Variants in ME2 observed in about 807,000 individuals in gnomAD.
ME2 encodes the protein NAD-dependent malic enzyme, mitochondrial.
A neutral mutation model predicts 73.7 loss-of-function variants in ME2; 60 were observed. The observed-to-expected ratio is 0.81, with a 90% CI of 0.66 to 1.01. The LOEUF is 1.01. Among genes scored for constraint, ME2 ranks in the 50% least tolerant of loss-of-function variants. The probability of loss-of-function intolerance (pLI) is 0.00; values close to 1 mark genes in which losing one functional copy is unlikely to be tolerated. For missense variants in ME2, 594 were observed against 705.5 expected, an observed-to-expected ratio of 0.84 and a Z score of 1.79; for synonymous variants, 199 against 236.9, an observed-to-expected ratio of 0.84 and a Z score of 1.47.
intron 2 of ME2, among the ~76,000 whole-genome samples, chr18:50,905,585 C>T (rs1421669866): frequency 6.6e-6 from 1 of 152,210 alleles, no homozygotes; most frequent in Non-Finnish European, 1.5e-5. Context: ...TTTAGAGACA[C>T]ATGAGACATC....
rs1429493052 is a variant in ME2 at position 50,952,425 on chromosome 18, A to T, written c.*5241A>T. 1 of 152,232 alleles carries T rather than the reference A, an allele frequency of 6.6e-6. No individual in the cohort carries two copies. Among genetic ancestry groups the T allele is most frequent in the Non-Finnish European group, 1.5e-5 (1 of 68,022 alleles). 9.4% of individuals were successfully genotyped at this position (152,232 alleles called of 1,614,324 possible). On this transcript the variant is annotated 3_prime_UTR_variant, in exon 16 of 16. Coordinates refer to ENST00000321341, the MANE Select transcript of ME2 (RefSeq NM_002396.5). ...TATTTTCCTTTCTTGAATAAGGAAA[A>T]TTGTGCATCTCAAAGAGAAAAGTAA... is the stretch of plus-strand genomic sequence containing the variant.
chr18:50,931,749 A>G (rs1336944869), intron 12 of ME2, among the ~76,000 whole-genome samples: 1 of 150,044 alleles, frequency 6.7e-6, no homozygotes, highest in Admixed American at 6.7e-5. Context: ...CTATCGGCTC[A>G]CTGCAACCTC....
Position 50,928,372 on chromosome 18 carries a change from A to G in ME2, c.1314+2474A>G, listed in dbSNP as rs534901050. On this transcript the variant is annotated intron_variant, in intron 12 of 15. Transcript: ENST00000321341. ...ATCATTCTCCTGCCTCAGCCTCCCG[A>G]GTAGCTGGGTGCCCGCCACCATGCC... is the stretch of plus-strand genomic sequence containing the variant. 5.4e-4 allele frequency among the ~76,000 whole-genome samples: 82 copies of G among 151,340 alleles called. 1 individual carries two copies. In the South Asian group the frequency reaches 0.011, roughly 21 times the overall value.
intron 12 of ME2, among the ~76,000 whole-genome samples, chr18:50,928,296 A>G (rs1917612203): frequency 6.8e-6 from 1 of 148,060 alleles, no homozygotes; most frequent in Non-Finnish European, 1.5e-5. Context: ...CCCAGGCTAG[A>G]GTGCAGTGGC....
Position 50,938,975 on chromosome 18 carries a change from A to G in ME2, c.1418-595A>G, listed in dbSNP as rs549673995. ...AAGGAAAAGTAACCATGATATAAAC[A>G]TTGAATATTGATTGAACCACAATTA... On this transcript the variant is annotated intron_variant, in intron 13 of 15. Transcript: ENST00000321341. 5 of 152,262 alleles carry G rather than the reference A, an allele frequency of 3.3e-5. No individual in the cohort carries two copies. In the South Asian group the frequency reaches 1.0e-3, roughly 32 times the overall value. 9.4% of individuals were successfully genotyped at this position (152,262 alleles called of 1,614,324 possible). A position where few individuals can be genotyped will look rare whatever the true frequency, so the allele number is the denominator to read the frequency against.
rs1320031263 is a variant in ME2, at chr18:50,950,467, C to CCTTTTTTTTT, written c.*3283_*3284insCTTTTTTTTT. 3 of 45,074 alleles carry CCTTTTTTTTT rather than the reference C, an allele frequency of 6.7e-5. No homozygotes were observed. The highest frequency in any genetic ancestry group is 2.7e-4 in the African/African-American group (3 of 11,286). 2.8% of individuals were successfully genotyped at this position (45,074 alleles called of 1,614,324 possible). A position where few individuals can be genotyped will look rare whatever the true frequency, so the allele number is the denominator to read the frequency against. On this transcript the variant is annotated 3_prime_UTR_variant, in exon 16 of 16. Coordinates refer to ENST00000321341, the MANE Select transcript of ME2 (RefSeq NM_002396.5). ...GCCTGGGGTGGGGCCTCAGATTCTG[C>CCTTTTTTTTT]TTTTTTTTTTTTTTTTTTTTTTTTT...
At chr18:50,882,386 G>A (rs1169078667) in intron 1 of ME2, among the ~76,000 whole-genome samples, 1 of 152,146 alleles carries the variant, frequency 6.6e-6, no homozygotes, top group East Asian at 1.9e-4. Flanking sequence ...TTGAAATCAA[G>A]TAGTCAAGCT....
intron 1 of ME2, among the ~76,000 whole-genome samples, chr18:50,890,346 T>A (rs1463570765): frequency 6.6e-6 from 1 of 152,162 alleles, no homozygotes; most frequent in Non-Finnish European, 1.5e-5. Flanking sequence ...ACTCCTGAGC[T>A]CAAGTGATCC....
At chr18:50,929,786 A>T (rs1917651627) in intron 12 of ME2, among the ~76,000 whole-genome samples, 1 of 152,132 alleles carries the variant, frequency 6.6e-6, no homozygotes, top group Admixed American at 6.5e-5. Context: ...TTGTTCCCCA[A>T]ATTAAATCTT....
intron 5 of ME2, chr18:50,916,952 T>C (rs1446296199): frequency 6.5e-6 from 1 of 153,172 alleles, no homozygotes; most frequent in Non-Finnish European, 1.5e-5. Context: ...GTTGCTAAGG[T>C]TTTTTTTGTT....
chr18:50,879,562 C>G (rs970779127), intron 1 of ME2, among the ~76,000 whole-genome samples: 9 of 152,246 alleles, frequency 5.9e-5, no homozygotes, highest in African/African-American at 2.2e-4. Context: ...CGCGCGATTT[C>G]CAGGTTCCTC....
chr18:50,916,469 G>A (rs1261414151), intron 5 of ME2: 1 of 388,160 alleles, frequency 2.6e-6, no homozygotes, highest in Non-Finnish European at 4.6e-6. Context: ...AATACAAGGT[G>A]AGCCCTCTCG....
intron 7 of ME2, among the ~76,000 whole-genome samples, chr18:50,918,629 A>G (rs984702641): frequency 1.2e-4 from 18 of 151,038 alleles, no homozygotes; most frequent in Non-Finnish European, 2.4e-4. Context: ...TCCCACTTCT[A>G]TGTCCTTGAA....
intron 10 of ME2, among the ~76,000 whole-genome samples, chr18:50,922,678 C>T (rs1917457229): frequency 6.6e-6 from 1 of 152,238 alleles, no homozygotes; most frequent in Non-Finnish European, 1.5e-5. Flanking sequence ...CCCTGTCCAT[C>T]TCCATATTCA....
intron 12 of ME2, among the ~76,000 whole-genome samples, chr18:50,929,265 G>A (rs1379623072): frequency 4.6e-5 from 7 of 151,050 alleles, no homozygotes; most frequent in African/African-American, 1.7e-4. Flanking sequence ...GACCACTTGA[G>A]GCCAGGAGTT....
intron 1 of ME2, among the ~76,000 whole-genome samples, chr18:50,880,049 A>G (rs1916275563): frequency 6.6e-6 from 1 of 152,148 alleles, no homozygotes; most frequent in South Asian, 2.1e-4. Context: ...CTGTGGATTT[A>G]CCTTCCTGAT....
chr18:50,894,420 T>G (rs1916683856), intron 1 of ME2, among the ~76,000 whole-genome samples: 1 of 148,130 alleles, frequency 6.8e-6, no homozygotes, highest in Non-Finnish European at 1.5e-5. Flanking sequence ...GAAAAAAAAT[T>G]AGCTGGGCAT....
intron 12 of ME2, 146 bp from the exon 13 acceptor site, chr18:50,932,111 GA>G: frequency 1.9e-6 from 1 of 519,394 alleles, no homozygotes; most frequent in Non-Finnish European, 3.4e-6. Flanking sequence ...GGATTGTAAC[GA>G]AAAGATTGTT....
intron 15 of ME2, among the ~76,000 whole-genome samples, chr18:50,944,131 T>C (rs1918028355): frequency 6.6e-6 from 1 of 152,086 alleles, no homozygotes; most frequent in Admixed American, 6.5e-5. Flanking sequence ...GGAGGATCAC[T>C]TAAACACAGG....
Sources: gnomAD v4.1 joint callset for allele counts (sites outside exome capture counted in the v4.1 genomes callset) on GRCh38, gnomAD v4.1.1 for gene constraint, MANE v1.5 for transcripts, NCBI Gene and HGNC (gene_info 2026-07-23, HGNC 2026-07-21) for gene names.